The following ATP1B3 variants were observed in gnomAD, a reference collection of about 807,000 sequenced individuals.
ATP1B3 encodes the protein ATPase Na+/K+ transporting subunit beta 3, also known as sodium/potassium-transporting ATPase subunit beta-3.
In ATP1B3, 10 loss-of-function variants were observed where a neutral mutation model predicts 30.2. The observed-to-expected ratio is 0.33, with a 90% CI of 0.20 to 0.56. ATP1B3 has a LOEUF of 0.56. ATP1B3 is among the 20% of genes least tolerant of loss of function. The pLI is 0.90. For synonymous variants in ATP1B3, 113 were observed against 117.0 expected (o/e 0.97, Z 0.22); for missense variants, 238 against 336.7 (o/e 0.71, Z 2.29).
intron 1 of ATP1B3, among the ~76,000 whole-genome samples, chr3:141,891,740 T>C (rs1212430038): frequency 6.6e-6 from 1 of 152,120 alleles, no homozygotes; most frequent in Non-Finnish European, 1.5e-5. Flanking sequence ...CATCTAGGGC[T>C]ATGGGTTTTA....
intron 1 of ATP1B3, among the ~76,000 whole-genome samples, chr3:141,888,485 G>C (rs1559865706): frequency 6.6e-6 from 1 of 151,842 alleles, no homozygotes. Context: ...AATATGTTTT[G>C]GCTGTATATA....
chr3:141,893,527 C>T (rs565920590), intron 1 of ATP1B3, among the ~76,000 whole-genome samples: 1 of 152,190 alleles, frequency 6.6e-6, no homozygotes, highest in South Asian at 2.1e-4. Flanking sequence ...TCTCTGTTAG[C>T]CCACTGTCAT....
intron 3 of ATP1B3, among the ~76,000 whole-genome samples, chr3:141,910,555 T>C (rs1390220254): frequency 1.3e-5 from 2 of 152,144 alleles, no homozygotes; most frequent in Admixed American, 1.3e-4. Context: ...TTATATCTTC[T>C]TTTATCATCT....
chr3:141,889,691 G>A (rs1184907009), intron 1 of ATP1B3, among the ~76,000 whole-genome samples: 1 of 129,936 alleles, frequency 7.7e-6, no homozygotes, highest in Non-Finnish European at 1.5e-5. Context: ...CTGCACCACT[G>A]CACACCAGCC....
intron 6 of ATP1B3, among the ~76,000 whole-genome samples, chr3:141,923,907 A>G (rs1401862692): frequency 1.3e-5 from 2 of 152,218 alleles, no homozygotes; most frequent in Non-Finnish European, 2.9e-5. Context: ...GAGTTCTCAG[A>G]GTGTCAGGAG....
At chr3:141,890,160 G>A (rs114728777) in intron 1 of ATP1B3, among the ~76,000 whole-genome samples, 6,727 of 139,176 alleles carry the variant, frequency 0.048, 550 homozygotes, top group African/African-American at 0.17. Context: ...GCATGGTCTC[G>A]GCTCACTCTG....
chr3:141,897,523 G>A (rs1487412096), intron 1 of ATP1B3, among the ~76,000 whole-genome samples: 1 of 152,144 alleles, frequency 6.6e-6, no homozygotes, highest in East Asian at 1.9e-4. Context: ...GGGAGAGCAG[G>A]CCAGACATGG....
chr3:141,886,349 C>T (rs1274936721), intron 1 of ATP1B3, among the ~76,000 whole-genome samples: 2 of 152,212 alleles, frequency 1.3e-5, no homozygotes, highest in Non-Finnish European at 2.9e-5. Context: ...TTTCACAGAC[C>T]TAGCTTCAGT....
At chr3:141,911,112 A>G (rs1934352061) in intron 3 of ATP1B3, among the ~76,000 whole-genome samples, 1 of 151,968 alleles carries the variant, frequency 6.6e-6, no homozygotes, top group African/African-American at 2.4e-5. Flanking sequence ...ATGAAGACTT[A>G]AGTTCTTCAG....
chr3:141,911,308 G>A lies in ATP1B3; in HGVS notation c.347-2344G>A, dbSNP rs548018842. 3.9e-5 allele frequency among the ~76,000 whole-genome samples: 6 copies of A among 152,098 alleles called. No individual in the cohort carries two copies. The South Asian group carries it at 1.2e-3, about 32-fold the overall frequency. On this transcript the variant is annotated intron_variant, in intron 3 of 6. Coordinates refer to ENST00000286371, the MANE Select transcript of ATP1B3 (RefSeq NM_001679.4). ...TCAACTCCTTTTTGGTTTTTAAAAC[G>A]TTCGACTGCTGTCAATCCTTATGCC...
intron 1 of ATP1B3, among the ~76,000 whole-genome samples, chr3:141,886,972 C>T (rs573495223): frequency 2.6e-5 from 4 of 152,238 alleles, no homozygotes; most frequent in Non-Finnish European, 4.4e-5. Flanking sequence ...CACTGCACTC[C>T]AGCCTGGTTG....
At chr3:141,892,857 G>A (rs145388610) in intron 1 of ATP1B3, among the ~76,000 whole-genome samples, 7 of 151,890 alleles carry the variant, frequency 4.6e-5, no homozygotes, top group Admixed American at 2.0e-4. Flanking sequence ...ATTATACAAC[G>A]GTCAAAACTA....
intron 2 of ATP1B3, among the ~76,000 whole-genome samples, chr3:141,905,978 CAT>C (rs1934257731): frequency 6.6e-6 from 1 of 151,496 alleles, no homozygotes; most frequent in East Asian, 1.9e-4. Context: ...ACATATGGGA[CAT>C]ATTAAACATT....
At position 141,876,925 on chromosome 3, in the gene ATP1B3, G is replaced by A. The variant is rs1382660742; in HGVS notation, c.109+15G>A. On this transcript the variant is annotated intron_variant, in intron 1 of 6. Transcript: ENST00000286371. ...CAAGAGCTGGGGTGAGCGGGCAGCA[G>A]CTGGGCGTCCGGGGCCGGCCTCGGT... The A allele has an allele frequency of 3.9e-6, 6 of 1,550,842 alleles. No individual in the cohort carries two copies. The highest frequency in any genetic ancestry group is 5.2e-6 in the Non-Finnish European group (6 of 1,149,380).
intron 2 of ATP1B3, among the ~76,000 whole-genome samples, chr3:141,906,626 A>G (rs947121855): frequency 6.6e-5 from 10 of 152,222 alleles, no homozygotes; most frequent in African/African-American, 2.4e-4. Context: ...TTATACTCCA[A>G]ATTCAGTATG....
chr3:141,894,273 A>G (rs1052755088), intron 1 of ATP1B3, among the ~76,000 whole-genome samples: 1 of 152,082 alleles, frequency 6.6e-6, no homozygotes, highest in African/African-American at 2.4e-5. Flanking sequence ...CACTAAATTT[A>G]TTAAAATTTT....
chr3:141,883,126 C>G (rs1933762614), intron 1 of ATP1B3, among the ~76,000 whole-genome samples: 1 of 152,198 alleles, frequency 6.6e-6, no homozygotes, highest in Non-Finnish European at 1.5e-5. Flanking sequence ...TCCCCTTATT[C>G]CATGTTGGTC....
chr3:141,890,607 TTTGTATTTTTAGTAGAGA>T (rs1933932333), intron 1 of ATP1B3, among the ~76,000 whole-genome samples: 1 of 151,040 alleles, frequency 6.6e-6, no homozygotes, highest in African/African-American at 2.5e-5. Flanking sequence ...CCACCTAATT[TTTGTATTTTTAGTAGAGA>T]CTGGGTTTTG....
intron 1 of ATP1B3, among the ~76,000 whole-genome samples, chr3:141,894,201 T>C (rs1313239854): frequency 6.6e-6 from 1 of 152,212 alleles, no homozygotes; most frequent in Non-Finnish European, 1.5e-5. Context: ...TGAGTGAATG[T>C]GAAGGCCTAG....
Sources: allele counts gnomAD v4.1 joint callset (sites outside exome capture counted in the v4.1 genomes callset), GRCh38; gene constraint gnomAD v4.1.1; transcripts MANE v1.5; gene names NCBI Gene and HGNC (gene_info 2026-07-23, HGNC 2026-07-21).